The following WDR75 variants were observed in gnomAD, a reference collection of about 807,000 sequenced individuals.
WDR75 encodes the protein WD repeat-containing protein 75.
WDR75 carries 52 observed loss-of-function variants against 106.1 expected under a neutral mutation model. The observed-to-expected ratio is 0.49, with a 90% CI of 0.39 to 0.62. WDR75 has a LOEUF of 0.62. Ranked by LOEUF, WDR75 falls within the 20% of genes least tolerant of loss-of-function variation. WDR75 has a pLI of 0.00. For missense variants in WDR75, 905 were observed against 970.3 expected, an observed-to-expected ratio of 0.93 and a Z score of 0.89; for synonymous variants, 333 against 335.5, an observed-to-expected ratio of 0.99 and a Z score of 0.08.
chr2:189,452,297 C>T (rs1229573441), intron 4 of WDR75, among the ~76,000 whole-genome samples: 2 of 152,142 alleles, frequency 1.3e-5, no homozygotes, highest in African/African-American at 2.4e-5. Flanking sequence ...CAGTGGCTCA[C>T]GCCTGTAATC....
chr2:189,470,270 G>C, intron 17 of WDR75, 25 bp downstream of exon 17: 5 of 1,602,836 alleles, frequency 3.1e-6, no homozygotes, highest in Non-Finnish European at 4.3e-6. Context: ...CAAAAAAGGC[G>C]ATCACTTTGT....
chr2:189,465,014 T>C (rs1322296350), intron 11 of WDR75, 65 bp from the exon 12 acceptor site: 2 of 1,180,348 alleles, frequency 1.7e-6, no homozygotes, highest in African/African-American at 3.1e-5. Flanking sequence ...ATTTCTTGAA[T>C]GCTGTAACAT....
chr2:189,442,687 T>C (rs2106107900), intron 1 of WDR75, among the ~76,000 whole-genome samples: 1 of 152,228 alleles, frequency 6.6e-6, no homozygotes, highest in African/African-American at 2.4e-5. Context: ...TGGCCTCAAG[T>C]GATCTGCCCA....
chr2:189,464,040 C>A, intron 11 of WDR75, 79 bp downstream of exon 11: 2 of 1,180,388 alleles, frequency 1.7e-6, no homozygotes, highest in Non-Finnish European at 2.5e-6. Context: ...TGTTTAGTAG[C>A]TTTTAAAACA....
intron 5 of WDR75, 122 bp from the exon 6 acceptor site, chr2:189,457,189 C>T (rs373039365): frequency 9.3e-6 from 6 of 642,590 alleles, no homozygotes; most frequent in Admixed American, 3.0e-5. Context: ...TGCAGTGAGC[C>T]GAGATCGCAC....
chr2:189,465,674 C>T (rs16831458), intron 12 of WDR75, among the ~76,000 whole-genome samples: 3,649 of 152,206 alleles, frequency 0.024, 158 homozygotes, highest in African/African-American at 0.084. Flanking sequence ...CTATAATAAC[C>T]ACTTAACAGA....
intron 2 of WDR75, chr2:189,449,476 T>G (rs1477472442): frequency 9.1e-7 from 1 of 1,101,062 alleles, no homozygotes; most frequent in Non-Finnish European, 1.1e-6. Flanking sequence ...ATGTTTTTAA[T>G]AGCAAAACTA....
At position 189,465,240 on chromosome 2, in the gene WDR75, T is replaced by C. The variant is rs142712805; in HGVS notation, c.1275T>C (p.Asn425=). 3.1e-6 allele frequency: 5 copies of C among 1,611,918 alleles called. No individual in the cohort carries two copies. In the African/African-American group the frequency reaches 6.7e-5, roughly 22 times the overall value. The change falls in exon 12 of 21, where the codon AAT becomes AAC. Residue 425 remains asparagine, a synonymous_variant. Transcript: ENST00000314761. ...TGCAAATGAAACTGTGGATGTATAA[T>C]AAGAAAACACAAGGGTAATACTATC... is the stretch of plus-strand genomic sequence containing the variant. ...LELQMKLWMY[N]KKTQGFILNT... is the part of the protein sequence containing the mutation.
At chr2:189,452,170 C>G in intron 4 of WDR75, 1 of 320,944 alleles carries the variant, frequency 3.1e-6, no homozygotes, top group South Asian at 4.0e-5. Flanking sequence ...TTTTGTCTTT[C>G]TACTGAACTT....
chr2:189,463,803 A>G (rs779180323), intron 10 of WDR75, 43 bp from the exon 11 acceptor site: 3 of 1,613,310 alleles, frequency 1.9e-6, no homozygotes, highest in Non-Finnish European at 2.5e-6. Context: ...TAAAGAGTGC[A>G]TATTTCTCTT....
In WDR75 at chr2:189,449,251, C is replaced by A. The variant is rs994535200; in HGVS notation, c.216+743C>A. On this transcript the variant is annotated intron_variant, in intron 2 of 20. Coordinates refer to ENST00000314761, the MANE Select transcript of WDR75 (RefSeq NM_032168.3). ...TTCCATTTTCCTGGATTAGTCACAG[C>A]CAACTTGGAAGTTATTGATTAAGGA... is the stretch of plus-strand genomic sequence containing the variant. The A allele has an allele frequency of 1.3e-5, 17 of 1,303,062 alleles. No homozygotes were observed. The African/African-American group carries it at 2.6e-4, about 20-fold the overall frequency. The allele number at this position is 1,303,062 out of a possible 1,614,324, so 80.7% of individuals were successfully genotyped here. A position where few individuals can be genotyped will look rare whatever the true frequency, so the allele number is the denominator to read the frequency against.
chr2:189,449,945 C>T (rs113339829), intron 2 of WDR75: 40,588 of 982,704 alleles, frequency 0.041, 1,193 homozygotes, highest in African/African-American at 0.14. Flanking sequence ...TTTCCTATAA[C>T]AACGACAACA....
intron 20 of WDR75, 103 bp downstream of exon 20, chr2:189,474,911 T>G (rs1687183246): frequency 2.1e-6 from 2 of 935,452 alleles, no homozygotes; most frequent in Non-Finnish European, 3.3e-6. Context: ...TTCTTTTTAT[T>G]TCATAAGTTT....
chr2:189,474,162 T>C (rs1269615249), intron 18 of WDR75, 24 bp from the exon 19 acceptor site: 5 of 1,591,298 alleles, frequency 3.1e-6, no homozygotes, highest in Non-Finnish European at 4.3e-6. Context: ...TGAAATAATT[T>C]CTCTTTGTCT....
intron 7 of WDR75, 129 bp from the exon 8 acceptor site, chr2:189,459,207 T>A: frequency 1.4e-6 from 1 of 698,880 alleles, no homozygotes; most frequent in East Asian, 3.0e-5. Context: ...AATGTGCACA[T>A]TAAGACCAGA....
chr2:189,470,186 A>C lies in WDR75; in HGVS notation c.1930A>C (p.Thr644Pro). The C allele has an allele frequency of 6.2e-7, 1 of 1,613,574 alleles. No homozygotes were observed. Among genetic ancestry groups the C allele is most frequent in the Non-Finnish European group, 8.5e-7 (1 of 1,179,632 alleles). ...FVPRDVPESF[T>P]SEAYQWLNRS... ...TCCACGAGATGTCCCTGAATCCTTC[A>C]CCTCAGAAGCTTACCAGTGGCTAAA... The change falls in exon 17 of 21, where the codon ACC becomes CCC. Residue 644 changes from threonine (T) to proline (P), a missense_variant. Transcript: ENST00000314761.
At chr2:189,466,364 A>G (rs1358792854) in intron 12 of WDR75, 61 bp from the exon 13 acceptor site, 1 of 1,561,634 alleles carries the variant, frequency 6.4e-7, no homozygotes, top group Non-Finnish European at 8.7e-7. Context: ...CATGTCAGAA[A>G]TTCTTATATA....
Position 189,466,498 on chromosome 2 carries a change from A to G in WDR75, c.1363A>G (p.Lys455Glu). 1.2e-6 allele frequency: 2 copies of G among 1,613,440 alleles called. No homozygotes were observed. Among genetic ancestry groups the G allele is most frequent in the Non-Finnish European group, 1.7e-6 (2 of 1,179,480 alleles). ...ITALCFCNAE[K>E]SEQPTLVTAS... ...AGCTCTCTGTTTCTGTAATGCAGAA[A>G]AATCTGAACAGCCCACCTTGGTTAC... Residue 455 changes from lysine to glutamate, a missense_variant, in exon 13 of 21, where the codon AAA (lysine) becomes GAA (glutamate). Transcript: ENST00000314761.
intron 1 of WDR75, among the ~76,000 whole-genome samples, chr2:189,444,126 A>C (rs1686445081): frequency 6.6e-6 from 1 of 152,190 alleles, no homozygotes; most frequent in Non-Finnish European, 1.5e-5. Context: ...ATATAAGCTA[A>C]TAATTAAAAC....
Sources: gnomAD v4.1 joint callset for allele counts (sites outside exome capture counted in the v4.1 genomes callset) on GRCh38, gnomAD v4.1.1 for gene constraint, MANE v1.5 for transcripts, NCBI Gene and HGNC (gene_info 2026-07-23, HGNC 2026-07-21) for gene names.